Variants in NAPB observed in about 807,000 individuals in gnomAD.
The protein encoded by NAPB is beta-soluble NSF attachment protein.
NAPB carries 26 observed loss-of-function variants against 44.7 expected under a neutral mutation model. The ratio of observed to expected loss-of-function variants is 0.58; its 90% CI spans 0.43 to 0.81. NAPB has a LOEUF of 0.81. Among genes scored for constraint, NAPB ranks in the 30% least tolerant of loss-of-function variants. The probability of loss-of-function intolerance (pLI) is 0.00; values close to 1 mark genes in which losing one functional copy is unlikely to be tolerated. For missense variants in NAPB, 315 were observed against 356.4 expected (o/e 0.88, Z 0.94); for synonymous variants, 120 against 116.8 (o/e 1.03, Z -0.18).
intron 1 of NAPB, among the ~76,000 whole-genome samples, chr20:23,405,050 C>G (rs1251921689): frequency 1.3e-5 from 2 of 152,190 alleles, no homozygotes; most frequent in African/African-American, 4.8e-5. Context: ...CGCCTGTAAT[C>G]CCAGCACTTT....
At chr20:23,381,797 G>C (rs529373619) in intron 7 of NAPB, among the ~76,000 whole-genome samples, 1 of 152,274 alleles carries the variant, frequency 6.6e-6, no homozygotes, top group African/African-American at 2.4e-5. Context: ...GGGCAGCCCA[G>C]CAAGAGAGAA....
intron 1 of NAPB, among the ~76,000 whole-genome samples, chr20:23,409,982 C>T (rs1394668618): frequency 6.6e-6 from 1 of 152,184 alleles, no homozygotes; most frequent in Non-Finnish European, 1.5e-5. Context: ...GCAAACACCC[C>T]AGACCAGGTG....
intron 1 of NAPB, among the ~76,000 whole-genome samples, chr20:23,417,274 G>A (rs1986072411): frequency 6.6e-6 from 1 of 152,030 alleles, no homozygotes; most frequent in Admixed American, 6.6e-5. Flanking sequence ...AGTAGAGACG[G>A]GGTTTCATCA....
At chr20:23,381,429 CTATGAAA>C in intron 7 of NAPB, 112 bp from the exon 8 acceptor site, 3 of 630,634 alleles carry the variant, frequency 4.8e-6, no homozygotes. Flanking sequence ...GTTTGTTTAG[CTATGAAA>C]TATATTATTT....
At chr20:23,392,001 G>A (rs879776222) in intron 5 of NAPB, among the ~76,000 whole-genome samples, 29 of 152,202 alleles carry the variant, frequency 1.9e-4, no homozygotes, top group Non-Finnish European at 3.8e-4. Flanking sequence ...GCAGGGACAA[G>A]AAAACAAATA....
rs1174243568 is a variant in NAPB, at chr20:23,421,448, C to T, written c.-46G>A. On this transcript the variant is annotated 5_prime_UTR_variant, in exon 1 of 11. Coordinates refer to ENST00000377026, the MANE Select transcript of NAPB (RefSeq NM_022080.3). ...CAGCCCCCTCAGCCGGCTCGCTGTG[C>T]GCCCAGGCGCCTTAACCCTCCCTCT... The T allele has an allele frequency of 6.6e-7, 1 of 1,512,558 alleles. No individual in the cohort carries two copies. The highest frequency in any genetic ancestry group is 2.6e-5 in the East Asian group (1 of 38,858). The allele number at this position is 1,512,558 out of a possible 1,614,324, so 93.7% of individuals were successfully genotyped here.
intron 7 of NAPB, among the ~76,000 whole-genome samples, chr20:23,384,633 A>G (rs1437127001): frequency 6.6e-6 from 1 of 152,142 alleles, no homozygotes; most frequent in African/African-American, 2.4e-5. Flanking sequence ...AAAAAAAAGA[A>G]AGAAAGAAAA....
At chr20:23,420,542 C>G (rs1986317718) in intron 1 of NAPB, among the ~76,000 whole-genome samples, 2 of 151,984 alleles carry the variant, frequency 1.3e-5, no homozygotes, top group South Asian at 2.1e-4. Flanking sequence ...TTCCAGGCGC[C>G]GGGGGCGGCC....
chr20:23,387,146 T>A (rs1983589775), intron 7 of NAPB, among the ~76,000 whole-genome samples: 1 of 152,154 alleles, frequency 6.6e-6, no homozygotes, highest in Non-Finnish European at 1.5e-5. Context: ...TATGTTTATC[T>A]CAATAGACAC....
Position 23,374,721 on chromosome 20 carries a change from A to C in NAPB, c.*2655T>G, listed in dbSNP as rs1982357078. The C allele has an allele frequency of 6.6e-6, 1 of 152,244 alleles. No homozygotes were observed. The highest frequency in any genetic ancestry group is 1.5e-5 in the Non-Finnish European group (1 of 68,046). The allele number at this position is 152,244 out of a possible 1,614,324, so 9.4% of individuals were successfully genotyped here. ...ACAAAGGTTTGCATTTGGACATTTA[A>C]ATCCACAAAATCAGGAGAAACAATA... On this transcript the variant is annotated 3_prime_UTR_variant, in exon 11 of 11. Coordinates refer to ENST00000377026, the MANE Select transcript of NAPB (RefSeq NM_022080.3).
intron 7 of NAPB, 37 bp downstream of exon 7, chr20:23,389,909 A>T (rs368603502): frequency 1.9e-6 from 3 of 1,557,576 alleles, no homozygotes; most frequent in Non-Finnish European, 2.6e-6. Flanking sequence ...AAAATTATTC[A>T]GACAACTTCT....
chr20:23,406,008 G>A (rs2123232535), intron 1 of NAPB, among the ~76,000 whole-genome samples: 1 of 152,234 alleles, frequency 6.6e-6, no homozygotes, highest in South Asian at 2.1e-4. Context: ...ACTGGGAGGT[G>A]TTTAGGTCAT....
chr20:23,410,025 G>A (rs1985539731), intron 1 of NAPB, among the ~76,000 whole-genome samples: 1 of 152,212 alleles, frequency 6.6e-6, no homozygotes, highest in Non-Finnish European at 1.5e-5. Context: ...CTGCAGTTGG[G>A]AACTGAATAG....
chr20:23,420,816 C>A (rs1181619978), intron 1 of NAPB, among the ~76,000 whole-genome samples: 2 of 151,044 alleles, frequency 1.3e-5, no homozygotes, highest in East Asian at 2.0e-4. Context: ...ACAGCCCCCC[C>A]CCCAGAGTGT....
At chr20:23,403,689 T>C (rs1332892496) in intron 1 of NAPB, among the ~76,000 whole-genome samples, 1 of 152,170 alleles carries the variant, frequency 6.6e-6, no homozygotes, top group Non-Finnish European at 1.5e-5. Flanking sequence ...GATTACATCT[T>C]TAATCAGAGT....
intron 5 of NAPB, among the ~76,000 whole-genome samples, chr20:23,393,299 G>A (rs554678140): frequency 6.6e-6 from 1 of 151,574 alleles, no homozygotes; most frequent in African/African-American, 2.4e-5. Flanking sequence ...AGAAAAGTAT[G>A]GCAATTATAA....
At chr20:23,414,537 G>A (rs1009942605) in intron 1 of NAPB, among the ~76,000 whole-genome samples, 5 of 151,824 alleles carry the variant, frequency 3.3e-5, no homozygotes, top group African/African-American at 1.2e-4. Flanking sequence ...ATGAATACAC[G>A]GACTAAAACT....
At chr20:23,392,851 T>C (rs1270148819) in intron 5 of NAPB, among the ~76,000 whole-genome samples, 1 of 151,652 alleles carries the variant, frequency 6.6e-6, no homozygotes, top group Non-Finnish European at 1.5e-5. Context: ...AAAAAGAGTA[T>C]GTCACATTTC....
At chr20:23,414,231 A>G (rs1006975848) in intron 1 of NAPB, among the ~76,000 whole-genome samples, 7 of 152,204 alleles carry the variant, frequency 4.6e-5, no homozygotes, top group Non-Finnish European at 1.0e-4. Flanking sequence ...CTGAGGTGGG[A>G]GGATCACTTA....
Sources: allele counts gnomAD v4.1 joint callset (sites outside exome capture counted in the v4.1 genomes callset), GRCh38; gene constraint gnomAD v4.1.1; transcripts MANE v1.5; gene names NCBI Gene and HGNC (gene_info 2026-07-23, HGNC 2026-07-21).